TTN: variants seen among roughly 807,000 people sequenced by gnomAD.
The protein encoded by TTN is connectin.
In TTN, 1,525 loss-of-function variants were observed where a neutral mutation model predicts 3,223.0. The observed-to-expected ratio is 0.47, with a 90% confidence interval of 0.45 to 0.49. The LOEUF (loss-of-function observed/expected upper bound fraction) is 0.49, where lower values mean the gene tolerates loss of function less well. Among genes scored for constraint, TTN ranks in the 20% least tolerant of loss-of-function variants. The pLI is 0.00. For synonymous variants in TTN, 14,094 were observed against 15,161.0 expected (o/e 0.93, Z 5.17); for missense variants, 40,786 against 43,424.0 (o/e 0.94, Z 5.40).
At chr2:178,683,111 C>A in intron 134 of TTN, 100 bp downstream of exon 134, 1 of 988,924 alleles carries the variant, frequency 1.0e-6, no homozygotes, top group South Asian at 1.4e-5. Flanking sequence ...TGCCCTTAAT[C>A]AACAATAAGC....
In TTN at chr2:178,557,302, A is replaced by G. The variant is rs1461884008; in HGVS notation, c.87960T>C (p.Val29320=). 14 of 1,613,970 alleles carry G rather than the reference A, an allele frequency of 8.7e-6. No individual in the cohort carries two copies. Among genetic ancestry groups the G allele is most frequent in the Non-Finnish European group, 1.2e-5 (14 of 1,179,874 alleles). Residue 29320 remains valine, a synonymous_variant, in exon 329 of 363, where the codon GTT becomes GTC. Coordinates refer to ENST00000589042, the MANE Select transcript of TTN (RefSeq NM_001267550.2). ...FRVYAENAAG[V]GKPSHPSEPV... ...GTTCAGAAGGATGGCTAGGTTTTCCAACTCCAGCAGCATTTTCTGCATACA... is the reference window on the plus strand; with the variant it reads ...GTTCAGAAGGATGGCTAGGTTTTCCGACTCCAGCAGCATTTTCTGCATACA...
At chr2:178,780,968 G>A (rs2092712669) in intron 21 of TTN, among the ~76,000 whole-genome samples, 153 bp downstream of exon 21, 1 of 152,190 alleles carries the variant, frequency 6.6e-6, no homozygotes, top group African/African-American at 2.4e-5. Context: ...AGGCCATGTG[G>A]TCTAAAACAT....
chr2:178,595,850 A>G (rs575649041), intron 294 of TTN, 41 bp from the exon 295 acceptor site: 22 of 1,528,286 alleles, frequency 1.4e-5, no homozygotes, highest in African/African-American at 9.7e-5. Context: ...TTTGCCTTCA[A>G]TGAAAGATAA....
At position 178,568,163 on chromosome 2, in the gene TTN, T is replaced by C; in HGVS notation, c.77969A>G (p.Glu25990Gly). The C allele has an allele frequency of 6.2e-7, 1 of 1,613,514 alleles. No individual in the cohort carries two copies. The highest frequency in any genetic ancestry group is 1.1e-5 in the South Asian group (1 of 91,072). The part of the protein sequence containing the change: ...DPIVAQYPYK[E>G]PGPPGTPFAT... The stretch of plus-strand genomic sequence containing the variant: ...AAATGGTGTACCTGGAGGGCCTGGT[T>C]CTTTGTAGGGATATTGAGCTACAAT... The change falls in exon 326 of 363, where the codon GAA (glutamate) becomes GGA (glycine). Residue 25990 changes from glutamate to glycine, a missense_variant. Transcript: ENST00000589042.
Position 178,574,384 on chromosome 2 carries a change from T to C in TTN, c.71748A>G (p.Ser23916=). The change falls in exon 326 of 363, where the codon TCA becomes TCG. Residue 23916 remains serine, a synonymous_variant. Transcript: ENST00000589042. ...TGGGATCCAGAGCCAACATAGGTTC[T>C]GATGGCTTGCTTGGCTTACTTTTGC... ...MAGKSKPSKP[S]EPMLALDPID... 6.2e-7 allele frequency: 1 copy of C among 1,613,638 alleles called. No individual in the cohort carries two copies. Among genetic ancestry groups the C allele is most frequent in the Middle Eastern group, 1.7e-4 (1 of 6,054 alleles).
chr2:178,723,175 T>C lies in TTN; in HGVS notation c.21832A>G (p.Ile7278Val). The C allele has an allele frequency of 6.2e-7, 1 of 1,613,558 alleles. No individual in the cohort carries two copies. The highest frequency in any genetic ancestry group is 8.5e-7 in the Non-Finnish European group (1 of 1,179,648). The change falls in exon 75 of 363, where the codon ATA becomes GTA. Residue 7278 changes from isoleucine to valine, a missense_variant. Physicochemically the swap from Ile to Val is conservative, Grantham distance 29. Coordinates refer to ENST00000589042, the MANE Select transcript of TTN (RefSeq NM_001267550.2). ...ATACAAGTTTTCTCTGTTGTGACTA[T>C]GTTACATTTTTCAGAGGTAGTTATG... is the stretch of plus-strand genomic sequence containing the variant. ...FNITTSEKCN[I>V]VTTEKTCILE...
At position 178,664,675 on chromosome 2, in the gene TTN, G is replaced by T. The variant is rs2065578435; in HGVS notation, c.36181C>A (p.Pro12061Thr). 1 of 1,612,500 alleles carries T rather than the reference G, an allele frequency of 6.2e-7. No homozygotes were observed. Among genetic ancestry groups the T allele is most frequent in the Non-Finnish European group, 8.5e-7 (1 of 1,179,692 alleles). The change falls in exon 167 of 363, where the codon CCT (proline) becomes ACT (threonine). Residue 12061 changes from proline (P) to threonine (T), a missense_variant. Transcript: ENST00000589042. ...ATACCTTCATCAGGAAGGACTTCAG[G>T]CTTTCTGAGAGGAACCACAAGCGTT... is the stretch of plus-strand genomic sequence containing the variant. ...KKTLVVPLRK[P>T]EVLPDEVPEA...
At chr2:178,642,895 T>C (rs183813800) in intron 218 of TTN, among the ~76,000 whole-genome samples, 3 of 152,118 alleles carry the variant, frequency 2.0e-5, no homozygotes, top group East Asian at 1.9e-4. Context: ...TATAGAATTA[T>C]AAAATTTCAA....
Position 178,543,103 on chromosome 2 carries a change from C to T in TTN, c.96870G>A (p.Glu32290=). The T allele has an allele frequency of 6.2e-7, 1 of 1,602,822 alleles. No homozygotes were observed. ...QNEKGVSEPR[E]TVTAVTVQDL... is the part of the protein sequence containing the mutation. ...CTTGTACAGTCACGGCTGTGACAGT[C>T]TCTCTTGGTTCTGACACACCTTTCT... The change falls in exon 347 of 363, where the codon GAG becomes GAA. Residue 32290 remains glutamate (E), a synonymous_variant. Coordinates refer to ENST00000589042, the MANE Select transcript of TTN (RefSeq NM_001267550.2).
rs1213326728 is a variant in TTN at position 178,733,912 on chromosome 2, A to G, written c.15497-20T>C. ...GAGGTTCTAGTTAAGGAAAGAGAGC[A>G]TATAAAACATATCAATTCCCAAACA... On this transcript the variant is annotated intron_variant, in intron 52 of 362. Transcript: ENST00000589042. The G allele has an allele frequency of 2.6e-6, 4 of 1,549,240 alleles. No individual in the cohort carries two copies. The highest frequency in any genetic ancestry group is 2.0e-5 in the Admixed American group (1 of 49,528).
At chr2:178,763,729 C>T (rs950708958) in intron 43 of TTN, among the ~76,000 whole-genome samples, 3 of 152,166 alleles carry the variant, frequency 2.0e-5, no homozygotes, top group Non-Finnish European at 4.4e-5. Context: ...AGGATATTGT[C>T]TTCCAAAGGA....
chr2:178,564,433 A>G lies in TTN; in HGVS notation c.81699T>C (p.Ser27233=), dbSNP rs1476367173. ...TNVLETEFTV[S]GLVEDQRYEF... ...CATATCTTTGGTCTTCTACAAGTCCACTCACTGTAAATTCAGTTTCTAATA... is the reference window on the plus strand; with the variant it reads ...CATATCTTTGGTCTTCTACAAGTCCGCTCACTGTAAATTCAGTTTCTAATA... Residue 27233 remains serine (S), a synonymous_variant, in exon 326 of 363, where the codon AGT becomes AGC. Transcript: ENST00000589042. 1 of 1,612,788 alleles carries G rather than the reference A, an allele frequency of 6.2e-7. No homozygotes were observed. Among genetic ancestry groups the G allele is most frequent in the Admixed American group, 1.7e-5 (1 of 59,848 alleles).
chr2:178,680,591 CT>C (rs1211878453), intron 138 of TTN, among the ~76,000 whole-genome samples: 4 of 151,926 alleles, frequency 2.6e-5, no homozygotes, highest in Non-Finnish European at 5.9e-5. Flanking sequence ...TCAAATATCT[CT>C]GCTTGAAAGA....
In TTN at chr2:178,572,421, T is replaced by C. The variant is rs752184535; in HGVS notation, c.73711A>G (p.Thr24571Ala). 1 of 1,612,974 alleles carries C rather than the reference T, an allele frequency of 6.2e-7. No individual in the cohort carries two copies. Among genetic ancestry groups the C allele is most frequent in the Non-Finnish European group, 8.5e-7 (1 of 1,179,178 alleles). The change falls in exon 326 of 363, where the codon ACA (threonine) becomes GCA (alanine). Residue 24571 changes from threonine (T) to alanine (A), a missense_variant. Transcript: ENST00000589042. ...STRKAYSTVATNCHKTSWKVD... is the reference protein window; with the variant it reads ...STRKAYSTVAANCHKTSWKVD... ...TTCCAGGAAGTCTTGTGGCAGTTTG[T>C]TGCAACAGTTGAATATGCTTTTCTT...
In TTN at chr2:178,777,727, G is replaced by A; in HGVS notation, c.4457C>T (p.Pro1486Leu). ...FDLKVVGRPM[P>L]ETFWFHDGQQ... ...ACCATCATGAAACCAGAACGTCTCT[G>A]GCATAGGTCTACCAACAACCTTTAA... The change falls in exon 25 of 363, where the codon CCA becomes CTA. Residue 1486 changes from proline (P) to leucine (L), a missense_variant. By Grantham distance (98) the Pro-to-Leu change is moderately conservative (BLOSUM62 -3). Coordinates refer to ENST00000589042, the MANE Select transcript of TTN (RefSeq NM_001267550.2). The A allele has an allele frequency of 6.2e-7, 1 of 1,614,018 alleles. No homozygotes were observed. The highest frequency in any genetic ancestry group is 1.7e-5 in the Admixed American group (1 of 60,002).
In TTN at chr2:178,548,883, T is replaced by C; in HGVS notation, c.92743A>G (p.Lys30915Glu). The C allele has an allele frequency of 6.2e-7, 1 of 1,613,786 alleles. No homozygotes were observed. The highest frequency in any genetic ancestry group is 1.7e-5 in the Admixed American group (1 of 60,000). Residue 30915 changes from lysine to glutamate, a missense_variant, in exon 339 of 363, where the codon AAA (lysine) becomes GAA (glutamate). Coordinates refer to ENST00000589042, the MANE Select transcript of TTN (RefSeq NM_001267550.2). This position sits in a 1 kb window ranked among gnomAD's most constrained non-coding sequence, Gnocchi z 4.3. ...GGAGCTGTTAACCGGTCAACTGCTT[T>C]AATTGTGCCAGTCACTTCACAGCTG... ...GDSCEVTGTIKAVDRLTAPEL... is the reference protein window; with the variant it reads ...GDSCEVTGTIEAVDRLTAPEL...
Position 178,715,009 on chromosome 2 carries a change from C to T in TTN, c.26177G>A (p.Cys8726Tyr), listed in dbSNP as rs786205399. ...ACCTTTGAGAGCGATGGAACCAACG[C>T]AAGTGTCGCTTCCCACATCATTTGT... ...KATNDVGSDT[C>Y]VGSIALKAPP... The change falls in exon 90 of 363, where the codon TGC becomes TAC. Residue 8726 changes from cysteine to tyrosine, a missense_variant. Physicochemically the swap from Cys to Tyr is radical, Grantham distance 194 (BLOSUM62 -2). Coordinates refer to ENST00000589042, the MANE Select transcript of TTN (RefSeq NM_001267550.2). 2 of 1,611,572 alleles carry T rather than the reference C, an allele frequency of 1.2e-6. No individual in the cohort carries two copies. Among genetic ancestry groups the T allele is most frequent in the African/African-American group, 1.3e-5 (1 of 74,876 alleles).
At chr2:178,684,635 C>T in intron 131 of TTN, 31 bp downstream of exon 131, 1 of 1,589,884 alleles carries the variant, frequency 6.3e-7, no homozygotes, top group Non-Finnish European at 8.6e-7. Flanking sequence ...GCCATATGTT[C>T]CTAGTTTTTC....
intron 121 of TTN, 104 bp downstream of exon 121, chr2:178,691,911 TA>T: frequency 1.1e-6 from 1 of 884,150 alleles, no homozygotes; most frequent in Non-Finnish European, 1.7e-6. Context: ...AAGAAGAATG[TA>T]AAAGAGACAA....
Sources: allele counts gnomAD v4.1 joint callset (sites outside exome capture counted in the v4.1 genomes callset), GRCh38; gene constraint gnomAD v4.1.1; non-coding constraint Gnocchi (gnomAD v3.1); transcripts MANE v1.5; gene names NCBI Gene and HGNC (gene_info 2026-07-23, HGNC 2026-07-21).